The following MCF2 variants were observed in gnomAD, a reference collection of about 807,000 sequenced individuals.
MCF2 encodes proto-oncogene DBL.
A neutral mutation model predicts 82.5 loss-of-function variants in MCF2; 44 were observed. That is an observed-to-expected ratio of 0.53 (90% CI 0.42 to 0.69). MCF2 has a LOEUF of 0.69. MCF2 is among the 30% of genes least tolerant of loss of function. The pLI, the probability that MCF2 is intolerant of heterozygous loss-of-function variation, is 0.00. For synonymous variants in MCF2, 217 were observed against 224.9 expected (o/e 0.96, Z 0.32); for missense variants, 623 against 663.1 (o/e 0.94, Z 0.66).
At chrX:139,699,986 T>C (rs753907931) in intron 1 of MCF2, among the ~76,000 whole-genome samples, 1 of 111,842 alleles carries the variant, frequency 8.9e-6, no homozygotes. Flanking sequence ...AGTTCTGGGT[T>C]ACTTGTGTGG....
At chrX:139,624,102 GAGGTAGGCTTCATTCACCTGC>G (rs1932608121) in intron 6 of MCF2, among the ~76,000 whole-genome samples, 1 of 111,482 alleles carries the variant, frequency 9.0e-6, no homozygotes, top group Non-Finnish European at 1.9e-5. Context: ...CAATAAGAGG[GAGGTAGGCTTCATTCACCTGC>G]AGATATGATT....
chrX:139,684,346 A>T (rs1482557103), intron 1 of MCF2, among the ~76,000 whole-genome samples: 1 of 112,371 alleles, frequency 8.9e-6, no homozygotes, highest in Non-Finnish European at 1.9e-5. Flanking sequence ...GGAAGAATGT[A>T]GAGAAATTAT....
chrX:139,632,207 T>C (rs770649997), intron 2 of MCF2, 128 bp downstream of exon 5: 2 of 424,287 alleles, frequency 4.7e-6, no homozygotes, highest in South Asian at 8.8e-5. Flanking sequence ...ATTTCAAATG[T>C]ATACTTTTAA....
At position 139,691,253 on chromosome X, in the gene MCF2, T is replaced by C. The variant is rs190314995; in HGVS notation, c.-45+16853A>G. Among the ~76,000 whole-genome samples, 134 of 111,675 alleles carry C rather than the reference T, an allele frequency of 1.2e-3. 1 individual carries two copies. Among genetic ancestry groups the C allele is most frequent in the Admixed American group, 0.011 (112 of 10,549 alleles). ...CAAAGCCCAAGTCAGTGGCAGCAGC[T>C]GTTTCCCTACAACTCCTCCCCCACC... On this transcript the variant is annotated intron_variant, in intron 1 of 27. Transcript: ENST00000414978.
intron 1 of MCF2, among the ~76,000 whole-genome samples, chrX:139,698,997 A>C (rs1031867174): frequency 1.8e-5 from 2 of 111,992 alleles, no homozygotes; most frequent in African/African-American, 6.5e-5. Context: ...GCCACATTCC[A>C]GGTGAGGAGA....
chrX:139,596,440 A>T, intron 19 of MCF2, 109 bp downstream of exon 23: 1 of 528,646 alleles, frequency 1.9e-6, no homozygotes, highest in Admixed American at 3.6e-5. Flanking sequence ...AAAAACAAAG[A>T]TGTGCAGCGA....
chrX:139,616,528 A>G (rs992688929), intron 8 of MCF2, 55 bp from the exon 12 acceptor site: 1 of 759,076 alleles, frequency 1.3e-6, no homozygotes, highest in Non-Finnish European at 1.8e-6. Context: ...AAGAGAAAAC[A>G]TATTTGTCCA....
intron 19 of MCF2, among the ~76,000 whole-genome samples, chrX:139,591,791 T>C (rs146129418): frequency 2.1e-4 from 23 of 109,145 alleles, no homozygotes; most frequent in Admixed American, 4.0e-4. Context: ...TTGGGGACAA[T>C]GCTCAGTACC....
chrX:139,608,233 C>T (rs1931205247), intron 11 of MCF2, among the ~76,000 whole-genome samples: 1 of 109,293 alleles, frequency 9.1e-6, no homozygotes, highest in Non-Finnish European at 1.9e-5. Flanking sequence ...CTGGGGCAAG[C>T]TAGAAGATCC....
At chrX:139,614,994 T>C (rs763447201) in exon 10 of MCF2, 7 of 1,209,933 alleles carry the variant, frequency 5.8e-6, no homozygotes, top group South Asian at 3.5e-5. Context: ...ACCAGCCTGC[T>C]GGTTCTCAAA....
At chrX:139,602,273 G>A (rs1044587787) in intron 16 of MCF2, 133 bp downstream of exon 20, 1 of 506,261 alleles carries the variant, frequency 2.0e-6, no homozygotes, top group Non-Finnish European at 3.4e-6. Context: ...TGGGGGGGAG[G>A]GTGGATTTGC....
chrX:139,635,014 T>C (rs1192445758), intron 1 of MCF2, among the ~76,000 whole-genome samples: 1 of 111,584 alleles, frequency 9.0e-6, no homozygotes. Context: ...GAGGATCACT[T>C]GAGCCCAGGA....
chrX:139,625,618 G>A (rs1383736573), intron 6 of MCF2, among the ~76,000 whole-genome samples: 1 of 111,517 alleles, frequency 9.0e-6, no homozygotes, highest in Non-Finnish European at 1.9e-5. Context: ...ACTGTGATAA[G>A]GTTGAACATG....
In MCF2 at chrX:139,587,701, A is replaced by C. The variant is rs759550798; in HGVS notation, c.2522+15T>G. 11 of 1,107,447 alleles carry C rather than the reference A, an allele frequency of 9.9e-6. No individual in the cohort carries two copies. The Middle Eastern group carries it at 2.2e-3, about 220-fold the overall frequency. The allele number at this position is 1,107,447 out of a possible 1,213,427, so 91.3% of individuals were successfully genotyped here. A position where few individuals can be genotyped will look rare whatever the true frequency, so the allele number is the denominator to read the frequency against. ...AGATTGCAGGAGTGGTATTTCTTAAAGAATAATCACTTACTCATCATTCTG... is the reference window on the plus strand; with the variant it reads ...AGATTGCAGGAGTGGTATTTCTTAACGAATAATCACTTACTCATCATTCTG... On this transcript the variant is annotated intron_variant, in intron 22 of 24. Coordinates refer to ENST00000370576, the Ensembl canonical transcript of MCF2.
At chrX:139,665,918 T>A (rs1393882914) in intron 1 of MCF2, among the ~76,000 whole-genome samples, 1 of 86,301 alleles carries the variant, frequency 1.2e-5, no homozygotes, top group East Asian at 3.4e-4. Context: ...TATATATATA[T>A]ATATATATAC....
intron 19 of MCF2, among the ~76,000 whole-genome samples, chrX:139,591,365 A>AT (rs772006942): frequency 1.8e-5 from 2 of 111,366 alleles, no homozygotes; most frequent in East Asian, 2.8e-4. Context: ...TTGTTTTGTT[A>AT]TTTTTTTATT....
At chrX:139,704,700 C>T (rs1935559355) in intron 1 of MCF2, among the ~76,000 whole-genome samples, 1 of 111,122 alleles carries the variant, frequency 9.0e-6, no homozygotes, top group East Asian at 2.8e-4. Flanking sequence ...AAAGTCTCCA[C>T]AAAGAGAACT....
chrX:139,593,099 C>G (rs1929665486), intron 19 of MCF2, among the ~76,000 whole-genome samples: 1 of 111,708 alleles, frequency 9.0e-6, no homozygotes, highest in Non-Finnish European at 1.9e-5. Context: ...TTTTTTGTGA[C>G]AAATGTTATA....
upstream of MCF2, among the ~76,000 whole-genome samples, chrX:139,644,334 A>C (rs1046076075): frequency 1.8e-5 from 2 of 112,190 alleles, no homozygotes; most frequent in Admixed American, 1.9e-4. Context: ...TTCATCATCT[A>C]TAAGACAATT....
Sources: allele counts gnomAD v4.1 joint callset (sites outside exome capture counted in the v4.1 genomes callset), GRCh38; gene constraint gnomAD v4.1.1; transcripts MANE v1.5; gene names NCBI Gene and HGNC (gene_info 2026-07-23, HGNC 2026-07-21).